DAO: variants seen among roughly 807,000 people sequenced by gnomAD.
DAO encodes the protein D-amino acid oxidase.
DAO carries 51 observed loss-of-function variants against 50.1 expected under a neutral mutation model. The observed-to-expected ratio is 1.02, with a 90% CI of 0.81 to 1.29. DAO has a LOEUF of 1.29. Among genes scored for constraint, DAO ranks in the 50% most tolerant of loss-of-function variants. DAO has a pLI of 0.00. For synonymous variants in DAO, 160 were observed against 166.2 expected (o/e 0.96, Z 0.29); for missense variants, 436 against 439.4 (o/e 0.99, Z 0.07).
chr12:108,887,037 G>C (rs906702819), intron 2 of DAO, among the ~76,000 whole-genome samples: 1 of 152,180 alleles, frequency 6.6e-6, no homozygotes, highest in Non-Finnish European at 1.5e-5. Context: ...TGTGTGCCCA[G>C]GGGGAGGAGG....
At chr12:108,880,265 G>A (rs1419457721) in intron 1 of DAO, 41 bp downstream of exon 1, 1 of 388,770 alleles carries the variant, frequency 2.6e-6, no homozygotes, top group Non-Finnish European at 5.2e-6. Context: ...ACAGGGGTTG[G>A]GAGAGGGGAG....
intron 6 of DAO, among the ~76,000 whole-genome samples, chr12:108,893,344 C>T (rs1323758193): frequency 1.3e-5 from 2 of 152,174 alleles, no homozygotes; most frequent in Admixed American, 6.5e-5. Flanking sequence ...AAGGTCAGAA[C>T]TTGGTTGCTT....
intron 6 of DAO, 49 bp downstream of exon 6, chr12:108,893,085 G>C: frequency 0.03 from 35,933 of 1,197,290 alleles, no homozygotes; most frequent in Non-Finnish European, 0.041. Flanking sequence ...AAGAGGGGAG[G>C]CCTCTGCTTC....
At chr12:108,899,651 T>C (rs1335145298) in intron 10 of DAO, 176 bp downstream of exon 10, 1 of 676,280 alleles carries the variant, frequency 1.5e-6, no homozygotes, top group Non-Finnish European at 2.7e-6. Context: ...CAATGATGGT[T>C]AAGGACCTGC....
intron 9 of DAO, 50 bp downstream of exon 9, chr12:108,898,846 G>C (rs200003425): frequency 7.9e-7 from 1 of 1,259,014 alleles, no homozygotes; most frequent in Non-Finnish European, 1.2e-6. Context: ...GTGGGAGCTT[G>C]GTAATGAGGA....
At chr12:108,893,757 C>T (rs750519249) in intron 6 of DAO, among the ~76,000 whole-genome samples, 2 of 152,116 alleles carry the variant, frequency 1.3e-5, no homozygotes, top group African/African-American at 4.8e-5. Context: ...TAGGGGCTCA[C>T]GATGCGTGCT....
rs755040148 is a variant in DAO, at chr12:108,889,487, A to G, written c.328A>G (p.Thr110Ala). Reference protein sequence around the residue: ...EAIPDPSWKDTVLGFRKLTPR... With the variant: ...EAIPDPSWKDAVLGFRKLTPR... Reference sequence around the variant, plus strand: ...TCTTCAGGACCCTTCCTGGAAGGACACAGTTCTGGGATTTCGGAAGCTGAC... The same window carrying G: ...TCTTCAGGACCCTTCCTGGAAGGACGCAGTTCTGGGATTTCGGAAGCTGAC... Residue 110 changes from threonine to alanine, a missense_variant, in exon 4 of 11, where the codon ACA (threonine) becomes GCA (alanine). Thr to Ala is a moderately conservative substitution (Grantham distance 58, BLOSUM62 0). Coordinates refer to ENST00000228476, the MANE Select transcript of DAO (RefSeq NM_001917.5). 13 of 1,612,472 alleles carry G rather than the reference A, an allele frequency of 8.1e-6. No homozygotes were observed. The African/African-American group carries it at 1.5e-4, about 18-fold the overall frequency.
chr12:108,893,142 C>G, intron 6 of DAO, 106 bp downstream of exon 6: 1 of 977,242 alleles, frequency 1.0e-6, no homozygotes, highest in East Asian at 2.6e-5. Flanking sequence ...AGGGTCCCCA[C>G]AGGCCTGCCT....
intron 4 of DAO, among the ~76,000 whole-genome samples, chr12:108,889,956 C>T (rs2039473348): frequency 6.6e-6 from 1 of 152,150 alleles, no homozygotes; most frequent in African/African-American, 2.4e-5. Context: ...CCCCACACCA[C>T]ACCTGAATCC....
rs751066265 is a variant in DAO, at chr12:108,890,318, C to G, written c.452+45C>G. On this transcript the variant is annotated intron_variant, in intron 5 of 10. Transcript: ENST00000228476. Reference sequence around the variant, plus strand: ...TTTGAGGGAGGTACCTCCCAGAGACCAAGTTGTAGTGGAAGATGGTTCGTG... The same window carrying G: ...TTTGAGGGAGGTACCTCCCAGAGACGAAGTTGTAGTGGAAGATGGTTCGTG... 12 of 1,474,174 alleles carry G rather than the reference C, an allele frequency of 8.1e-6. No homozygotes were observed. In the Admixed American group the frequency reaches 2.0e-4, roughly 25 times the overall value. 91.3% of individuals were successfully genotyped at this position (1,474,174 alleles called of 1,614,324 possible). A position where few individuals can be genotyped will look rare whatever the true frequency, so the allele number is the denominator to read the frequency against.
intron 7 of DAO, among the ~76,000 whole-genome samples, chr12:108,896,178 C>T (rs2039552543): frequency 6.6e-6 from 1 of 151,926 alleles, no homozygotes; most frequent in African/African-American, 2.4e-5. Flanking sequence ...AATCCCAGCA[C>T]TTTGGGAGGC....
rs200600877 is a variant in DAO at position 108,900,370 on chromosome 12, C to T, written c.913-34C>T. ...CATCTATTCTTTCCACTGTCCCTCT[C>T]GGACCTGGCCACCTTCTCTCTTGCC... On this transcript the variant is annotated intron_variant, in intron 10 of 10. Coordinates refer to ENST00000228476, the MANE Select transcript of DAO (RefSeq NM_001917.5). 655 of 1,612,302 alleles carry T rather than the reference C, an allele frequency of 4.1e-4. 6 individuals are homozygous for T. The highest frequency in any genetic ancestry group is 2.2e-3 in the South Asian group (201 of 90,888).
intron 1 of DAO, chr12:108,883,787 G>C (rs1032437084): frequency 1.4e-5 from 5 of 362,314 alleles, no homozygotes; most frequent in African/African-American, 8.5e-5. Flanking sequence ...ATACCTTTCT[G>C]TTTGTTGGTT....
rs372104935 is a variant in DAO, at chr12:108,891,441, C to T, written c.452+1168C>T. On this transcript the variant is annotated intron_variant, in intron 5 of 10. Transcript: ENST00000228476. ...CTCCAGCCTGGGTGACAGGGCGAGA[C>T]CCTGTCTCAAAAAAAAAAAAAAAGA... Among the ~76,000 whole-genome samples, 1,170 of 133,598 alleles carry T rather than the reference C, an allele frequency of 8.8e-3. 20 individuals are homozygous for T. The highest frequency in any genetic ancestry group is 0.033 in the African/African-American group (1,118 of 33,784). The allele number at this position is 133,598 out of a possible 152,430, so 87.6% of individuals were successfully genotyped here.
chr12:108,890,372 G>T, intron 5 of DAO, 99 bp downstream of exon 5: 2 of 917,076 alleles, frequency 2.2e-6, no homozygotes, highest in Admixed American at 1.8e-5. Context: ...CTAACCCCCA[G>T]GTTTGAAGAA....
At chr12:108,888,252 C>T (rs995611567) in intron 3 of DAO, among the ~76,000 whole-genome samples, 2 of 152,108 alleles carry the variant, frequency 1.3e-5, no homozygotes, top group African/African-American at 2.4e-5. Context: ...CCCAGAGCCC[C>T]GTGCCAGCTC....
In DAO at chr12:108,889,401, C is replaced by T. The variant is rs959713445; in HGVS notation, c.310-68C>T. 2.3e-5 allele frequency: 25 copies of T among 1,105,720 alleles called. 1 individual carries two copies. Among genetic ancestry groups the T allele is most frequent in the South Asian group, 1.4e-4 (11 of 80,488 alleles). 68.5% of individuals were successfully genotyped at this position (1,105,720 alleles called of 1,614,324 possible). A position where few individuals can be genotyped will look rare whatever the true frequency, so the allele number is the denominator to read the frequency against. On this transcript the variant is annotated intron_variant, in intron 3 of 10. Transcript: ENST00000228476. ...CTGGGATTACAGGTGTGAGCCACCT[C>T]GCCTGGCCCATTATCATTATTATTG...
chr12:108,892,603 T>C (rs17041040), intron 5 of DAO, among the ~76,000 whole-genome samples: 1 of 152,188 alleles, frequency 6.6e-6, no homozygotes. Context: ...AACTCTCCCC[T>C]TCTCTACTCT....
chr12:108,887,564 G>A lies in DAO; in HGVS notation c.309G>A (p.Pro103=), dbSNP rs147144733. Residue 103 remains proline (P), a splice_region_variant and synonymous_variant, in exon 3 of 11, where the codon CCG becomes CCA. Transcript: ENST00000228476. ...SGYNLFHEAI[P]DPSWKDTVLG... ...ACAACCTCTTCCATGAAGCCATTCC[G>A]GTGGGTGAACAGTTCTTGACCATGA... is the stretch of plus-strand genomic sequence containing the variant. The A allele has an allele frequency of 8.8e-5, 141 of 1,608,404 alleles. No individual in the cohort carries two copies. The highest frequency in any genetic ancestry group is 1.1e-4 in the Non-Finnish European group (131 of 1,174,974).
Sources: allele counts gnomAD v4.1 joint callset (sites outside exome capture counted in the v4.1 genomes callset), GRCh38; gene constraint gnomAD v4.1.1; transcripts MANE v1.5; gene names NCBI Gene and HGNC (gene_info 2026-07-23, HGNC 2026-07-21).